GLCCI1: variants seen among roughly 807,000 people sequenced by gnomAD.
GLCCI1 encodes glucocorticoid-induced transcript 1 protein.
GLCCI1 carries 24 observed loss-of-function variants against 52.2 expected under a neutral mutation model. The ratio of observed to expected loss-of-function variants is 0.46; its 90% confidence interval spans 0.33 to 0.65. The LOEUF (loss-of-function observed/expected upper bound fraction) is 0.65. Among genes scored for constraint, GLCCI1 ranks in the 30% least tolerant of loss-of-function variants. The pLI is 0.02. For missense variants in GLCCI1, 704 were observed against 701.5 expected, an observed-to-expected ratio of 1.00 and a Z score of -0.04; for synonymous variants, 310 against 276.5, an observed-to-expected ratio of 1.12 and a Z score of -1.20.
chr7:7,986,606 A>T (rs2115412486), intron 1 of GLCCI1, among the ~76,000 whole-genome samples: 1 of 152,294 alleles, frequency 6.6e-6, no homozygotes, highest in Non-Finnish European at 1.5e-5. Context: ...AACAAATTTT[A>T]CTCTATATAA....
chr7:7,973,413 C>CGTGTGT (rs57135358), intron 1 of GLCCI1, among the ~76,000 whole-genome samples: 4,001 of 147,662 alleles, frequency 0.027, 100 homozygotes, highest in African/African-American at 0.064. Context: ...TCTTTGTGTG[C>CGTGTGT]GTGTGTGTGT....
At chr7:8,008,069 A>G (rs1361304683) in intron 2 of GLCCI1, among the ~76,000 whole-genome samples, 5 of 150,854 alleles carry the variant, frequency 3.3e-5, no homozygotes, top group Non-Finnish European at 5.9e-5. Flanking sequence ...GCGTTACCTC[A>G]TTTTTTTATG....
chr7:7,990,800 G>A (rs1780825216), intron 1 of GLCCI1, among the ~76,000 whole-genome samples: 1 of 152,088 alleles, frequency 6.6e-6, no homozygotes, highest in Non-Finnish European at 1.5e-5. Context: ...GAAAGTAAAT[G>A]CTAGAATTAA....
rs1358615856 is a variant in GLCCI1 at position 8,058,373 on chromosome 7, A to G, written c.814-1723A>G. Among the ~76,000 whole-genome samples the G allele has an allele frequency of 3.9e-5, 6 of 152,334 alleles. No individual in the cohort carries two copies. In the East Asian group the frequency reaches 1.2e-3, roughly 29 times the overall value. On this transcript the variant is annotated intron_variant, in intron 4 of 7. Transcript: ENST00000223145. ...GTTTTGCATTCCAGTGCAAATTTAA[A>G]AGGACTTGTTTTTATTACTTGAAAA...
Position 8,009,906 on chromosome 7 carries a change from G to GAA in GLCCI1, c.609+5857_609+5858dup, listed in dbSNP as rs557244591. Among the ~76,000 whole-genome samples, 470 of 137,928 alleles carry GAA rather than the reference G, an allele frequency of 3.4e-3. 4 individuals are homozygous for GAA. The highest frequency in any genetic ancestry group is 0.012 in the African/African-American group (446 of 35,770). The allele number at this position is 137,928 out of a possible 152,430, so 90.5% of individuals were successfully genotyped here. ...CGTAAAATCAGTATCAAAATAGAATGAAAAAAAAAAACCTGAGCACTGGAA... is the reference window on the plus strand; with the variant it reads ...CGTAAAATCAGTATCAAAATAGAATGAAAAAAAAAAAAACCTGAGCACTGGAA... On this transcript the variant is annotated intron_variant, in intron 2 of 7. Transcript: ENST00000223145.
In GLCCI1 at chr7:7,968,897, TCTCTACC is replaced by T. The variant is rs1780271814; in HGVS notation, c.-451_-445del. The T allele has an allele frequency of 6.4e-6, 1 of 156,394 alleles. No individual in the cohort carries two copies. The highest frequency in any genetic ancestry group is 2.4e-5 in the African/African-American group (1 of 41,264). The allele number at this position is 156,394 out of a possible 1,614,324, so 9.7% of individuals were successfully genotyped here. On this transcript the variant is annotated 5_prime_UTR_variant, in exon 1 of 8. Transcript: ENST00000223145. ...AGCGCCAGCACCTCGAGGCCCTTTC[TCTCTACC>T]CTGGTCCCCAGAAGCAGGGGTCCCG...
chr7:8,052,871 C>G (rs1782289532), intron 3 of GLCCI1, among the ~76,000 whole-genome samples: 1 of 152,080 alleles, frequency 6.6e-6, no homozygotes, highest in Non-Finnish European at 1.5e-5. Context: ...ATCCCTTAGT[C>G]CTTTAAGTTA....
At chr7:7,977,788 G>T (rs537563798) in intron 1 of GLCCI1, among the ~76,000 whole-genome samples, 2 of 152,098 alleles carry the variant, frequency 1.3e-5, no homozygotes, top group Non-Finnish European at 2.9e-5. Context: ...CCAATATAAG[G>T]TACTTTTATT....
chr7:8,023,446 T>C (rs539477059), intron 3 of GLCCI1, among the ~76,000 whole-genome samples: 2 of 152,184 alleles, frequency 1.3e-5, no homozygotes, highest in African/African-American at 4.8e-5. Flanking sequence ...ATATTTTGGA[T>C]TATTTTTCCT....
chr7:8,014,216 C>A (rs1169681893), intron 2 of GLCCI1, among the ~76,000 whole-genome samples: 1 of 152,112 alleles, frequency 6.6e-6, no homozygotes, highest in Non-Finnish European at 1.5e-5. Flanking sequence ...GTCTCAAATT[C>A]CTCAGGTGGA....
intron 2 of GLCCI1, among the ~76,000 whole-genome samples, chr7:8,004,765 A>G (rs1353458114): frequency 6.6e-6 from 1 of 152,250 alleles, no homozygotes; most frequent in East Asian, 1.9e-4. Context: ...AATTGGTAAA[A>G]GAAGACAGTG....
intron 5 of GLCCI1, among the ~76,000 whole-genome samples, chr7:8,064,025 G>C (rs1056772000): frequency 6.6e-6 from 1 of 152,108 alleles, no homozygotes; most frequent in Non-Finnish European, 1.5e-5. Flanking sequence ...TGCATAGTTT[G>C]CAAACATTTT....
intron 1 of GLCCI1, among the ~76,000 whole-genome samples, chr7:7,976,813 C>A (rs1780482488): frequency 6.6e-6 from 1 of 151,740 alleles, no homozygotes; most frequent in Non-Finnish European, 1.5e-5. Context: ...TCAGGATCCT[C>A]CTGAGTGATC....
intron 6 of GLCCI1, among the ~76,000 whole-genome samples, chr7:8,083,391 T>C (rs949612165): frequency 2.3e-4 from 35 of 152,178 alleles, no homozygotes; most frequent in African/African-American, 2.2e-4. Flanking sequence ...TTTGTTTGTT[T>C]GTTTTTATTC....
At chr7:7,979,286 G>A (rs779592359) in intron 1 of GLCCI1, among the ~76,000 whole-genome samples, 3 of 151,930 alleles carry the variant, frequency 2.0e-5, no homozygotes, top group African/African-American at 4.8e-5. Context: ...TAAAAAAAAC[G>A]CATTCAGGGA....
At chr7:8,071,756 T>G (rs1219378053) in intron 6 of GLCCI1, among the ~76,000 whole-genome samples, 1 of 152,184 alleles carries the variant, frequency 6.6e-6, no homozygotes, top group Non-Finnish European at 1.5e-5. Context: ...TCTAGCCCCC[T>G]AAGACCTAGC....
At chr7:8,081,557 A>C (rs561687899) in intron 6 of GLCCI1, among the ~76,000 whole-genome samples, 1 of 152,316 alleles carries the variant, frequency 6.6e-6, no homozygotes, top group African/African-American at 2.4e-5. Flanking sequence ...CAAATGTATA[A>C]TTTTTTATAC....
intron 3 of GLCCI1, among the ~76,000 whole-genome samples, chr7:8,045,840 A>G (rs187376078): frequency 3.9e-5 from 6 of 152,298 alleles, no homozygotes; most frequent in Admixed American, 3.3e-4. Flanking sequence ...CGCAGAGGAT[A>G]AAACTTCCAC....
chr7:8,071,128 A>G lies in GLCCI1; in HGVS notation c.1174A>G (p.Lys392Glu). 1 of 1,613,292 alleles carries G rather than the reference A, an allele frequency of 6.2e-7. No individual in the cohort carries two copies. The highest frequency in any genetic ancestry group is 8.5e-7 in the Non-Finnish European group (1 of 1,179,338). Residue 392 changes from lysine to glutamate, a missense_variant, in exon 6 of 8, where the codon AAA becomes GAA. By Grantham distance (56) the Lys-to-Glu change is moderately conservative (BLOSUM62 1). Transcript: ENST00000223145. ...STEDLLYDRD[K>E]DSGSSSPLPK... is the part of the protein sequence containing the mutation. ...AGAAGATTTGCTCTATGATCGTGATAAAGGTAAGAATGGAATTGTCCACTT... is the reference window on the plus strand; with the variant it reads ...AGAAGATTTGCTCTATGATCGTGATGAAGGTAAGAATGGAATTGTCCACTT...
Sources: gnomAD v4.1 joint callset for allele counts (sites outside exome capture counted in the v4.1 genomes callset) on GRCh38, gnomAD v4.1.1 for gene constraint, MANE v1.5 for transcripts, NCBI Gene and HGNC (gene_info 2026-07-23, HGNC 2026-07-21) for gene names.